ZNF503: variants seen among roughly 807,000 people sequenced by gnomAD.
The protein encoded by ZNF503 is NocA-like zinc finger 2.
A neutral mutation model predicts 34.4 loss-of-function variants in ZNF503; 15 were observed. The observed-to-expected ratio is 0.44, with a 90% confidence interval of 0.29 to 0.67. The LOEUF (loss-of-function observed/expected upper bound fraction) is 0.67, where lower values mean the gene tolerates loss of function less well. Ranked by LOEUF, ZNF503 falls within the 30% of genes least tolerant of loss-of-function variation. The pLI is 0.13. For synonymous variants in ZNF503, 580 were observed against 456.8 expected, an observed-to-expected ratio of 1.27 and a Z score of -3.44; for missense variants, 1,007 against 926.8, an observed-to-expected ratio of 1.09 and a Z score of -1.12.
At chr10:75,363,081 T>TACACACACAC in the ZNF503 span, among the ~76,000 whole-genome samples, 58 of 148,756 alleles carry the variant, frequency 3.9e-4, no homozygotes, top group African/African-American at 1.1e-3. Context: ...CATGCATGCA[T>TACACACACAC]ACACACACAC....
At chr10:75,396,123 C>T (rs1242559797), downstream of ZNF503, among the ~76,000 whole-genome samples, 1 of 152,064 alleles carries the variant, frequency 6.6e-6, no homozygotes, top group African/African-American at 2.4e-5. This position sits in a 1 kb window ranked among gnomAD's most constrained non-coding sequence, Gnocchi z 4.4. Context: ...AGCACCGCCA[C>T]GCGCTCCCGC....
At chr10:75,289,907 A>G in the ZNF503 span, among the ~76,000 whole-genome samples, 1 of 152,170 alleles carries the variant, frequency 6.6e-6, no homozygotes, top group Non-Finnish European at 1.5e-5. Flanking sequence ...TATTAAACAC[A>G]TTCATAGTGC....
At chr10:75,327,171 G>C in the ZNF503 span, among the ~76,000 whole-genome samples, 2 of 152,278 alleles carry the variant, frequency 1.3e-5, no homozygotes, top group South Asian at 4.1e-4. Context: ...TAGAATGTTA[G>C]AACTTATTCC....
intron 1 of ZNF503, among the ~76,000 whole-genome samples, chr10:75,400,747 T>G (rs1376877941): frequency 6.6e-6 from 1 of 152,196 alleles, no homozygotes; most frequent in East Asian, 1.9e-4. Context: ...GGCTGGCGCC[T>G]CAGAGGCTGT....
the ZNF503 span, chr10:75,373,277 G>T: frequency 3.9e-5 from 6 of 152,246 alleles, no homozygotes; most frequent in African/African-American, 1.4e-4. Context: ...CCAGCCCTTT[G>T]TCTCAATTAA....
At chr10:75,344,827 AG>A in the ZNF503 span, among the ~76,000 whole-genome samples, 7 of 152,204 alleles carry the variant, frequency 4.6e-5, no homozygotes. Context: ...GACATCCCCA[AG>A]CTTCGCCAGC....
At chr10:75,370,778 C>CAAAAAAAAAAAAAAAAAAAAAAAAAA in the ZNF503 span, among the ~76,000 whole-genome samples, 1 of 67,974 alleles carries the variant, frequency 1.5e-5, no homozygotes, top group African/African-American at 5.9e-5. Context: ...GGCTCCATCT[C>CAAAAAAAAAAAAAAAAAAAAAAAAAA]AAAAAAAAAA....
the ZNF503 span, among the ~76,000 whole-genome samples, chr10:75,309,383 G>C: frequency 6.6e-6 from 1 of 152,176 alleles, no homozygotes; most frequent in Non-Finnish European, 1.5e-5. Flanking sequence ...GTGAATGGAA[G>C]AGTCAATTGA....
Position 75,398,625 on chromosome 10 carries a change from T to C in ZNF503, c.*124A>G. 1 of 895,190 alleles carries C rather than the reference T, an allele frequency of 1.1e-6. No individual in the cohort carries two copies. Among genetic ancestry groups the C allele is most frequent in the Non-Finnish European group, 1.5e-6 (1 of 671,830 alleles). The allele number at this position is 895,190 out of a possible 1,614,324, so 55.5% of individuals were successfully genotyped here. On this transcript the variant is annotated 3_prime_UTR_variant, in exon 2 of 2. Transcript: ENST00000372524. ...TAGATAGATACGGTATACATTTCTT[T>C]CCTTTCGTGGCCCGAGTCCTCCCCA...
the ZNF503 span, among the ~76,000 whole-genome samples, chr10:75,294,854 C>T: frequency 5.9e-5 from 9 of 151,938 alleles, no homozygotes; most frequent in Non-Finnish European, 1.0e-4. Flanking sequence ...GTTCTATCTG[C>T]GCGATGATTG....
At chr10:75,307,589 A>G in the ZNF503 span, among the ~76,000 whole-genome samples, 15 of 152,244 alleles carry the variant, frequency 9.9e-5, no homozygotes, top group Admixed American at 2.6e-4. Context: ...TAAACAACAG[A>G]TTTTCAACAT....
the ZNF503 span, among the ~76,000 whole-genome samples, chr10:75,387,038 A>T: frequency 2.0e-5 from 3 of 152,372 alleles, no homozygotes; most frequent in African/African-American, 7.2e-5. Context: ...CTGTGCATGC[A>T]GCAGGTGCTC....
chr10:75,382,538 A>G, the ZNF503 span: 1 of 584,894 alleles, frequency 1.7e-6, no homozygotes, highest in Non-Finnish European at 2.9e-6. Flanking sequence ...AGAGTCTAAG[A>G]TGGTGACTGG....
the ZNF503 span, among the ~76,000 whole-genome samples, chr10:75,355,764 T>C: frequency 1.3e-5 from 2 of 152,226 alleles, no homozygotes; most frequent in African/African-American, 2.4e-5. Context: ...CCATTTATTA[T>C]GTTTATAGGT....
At chr10:75,354,996 G>A in the ZNF503 span, among the ~76,000 whole-genome samples, 6 of 150,968 alleles carry the variant, frequency 4.0e-5, no homozygotes, top group Non-Finnish European at 8.8e-5. Flanking sequence ...GTGCCACCAC[G>A]CCCAGCTAAC....
At chr10:75,290,427 T>C in the ZNF503 span, among the ~76,000 whole-genome samples, 16 of 152,200 alleles carry the variant, frequency 1.1e-4, no homozygotes, top group Non-Finnish European at 1.6e-4. Flanking sequence ...CCTCACACCA[T>C]GGCAGCTGGA....
downstream of ZNF503, among the ~76,000 whole-genome samples, chr10:75,394,961 G>A (rs559302740): frequency 6.6e-6 from 1 of 152,336 alleles, no homozygotes; most frequent in African/African-American, 2.4e-5. Context: ...CACAGGTAGG[G>A]GGATAAGATT....
the ZNF503 span, among the ~76,000 whole-genome samples, chr10:75,312,869 G>T: frequency 9.2e-5 from 14 of 152,166 alleles, no homozygotes; most frequent in Admixed American, 9.2e-4. Context: ...ATGTGTCAAG[G>T]GTATGGCCAG....
the ZNF503 span, among the ~76,000 whole-genome samples, chr10:75,390,475 T>A: frequency 6.7e-6 from 1 of 150,306 alleles, no homozygotes; most frequent in Non-Finnish European, 1.5e-5. Context: ...ATCCTCCTCT[T>A]CCTCCTCAGG....
Sources: gnomAD v4.1 joint callset for allele counts (sites outside exome capture counted in the v4.1 genomes callset) on GRCh38, gnomAD v4.1.1 for gene constraint, Gnocchi (gnomAD v3.1) non-coding constraint, MANE v1.5 for transcripts, NCBI Gene and HGNC (gene_info 2026-07-23, HGNC 2026-07-21) for gene names.